SLAMF6: variants seen among roughly 807,000 people sequenced by gnomAD.
SLAMF6 encodes SLAM family member 6.
In SLAMF6, 21 loss-of-function variants were observed where a neutral mutation model predicts 38.3. The ratio of observed to expected loss-of-function variants is 0.55; its 90% CI spans 0.39 to 0.79. SLAMF6 has a LOEUF of 0.79. Ranked by LOEUF, SLAMF6 falls within the 30% of genes least tolerant of loss-of-function variation. The pLI, the probability that SLAMF6 is intolerant of heterozygous loss-of-function variation, is 0.00. For missense variants in SLAMF6, 341 were observed against 385.3 expected (o/e 0.89, Z 0.96); for synonymous variants, 152 against 146.3 (o/e 1.04, Z -0.28).
intron 1 of SLAMF6, among the ~76,000 whole-genome samples, chr1:160,500,279 T>G (rs1183682767): frequency 6.6e-6 from 1 of 152,254 alleles, no homozygotes; most frequent in African/African-American, 2.4e-5. Flanking sequence ...ATCATGTCTA[T>G]GGTCTATAAG....
chr1:160,489,424 A>G (rs535925040), intron 5 of SLAMF6, among the ~76,000 whole-genome samples: 1 of 152,320 alleles, frequency 6.6e-6, no homozygotes, highest in South Asian at 2.1e-4. Flanking sequence ...AGTCTCCCTC[A>G]GGCTTCACAT....
chr1:160,508,140 T>C (rs1024513961), intron 1 of SLAMF6, among the ~76,000 whole-genome samples: 4 of 152,044 alleles, frequency 2.6e-5, no homozygotes, highest in Non-Finnish European at 5.9e-5. Context: ...ACTTTCTTCA[T>C]AGAATTGGAA....
At chr1:160,490,836 G>A (rs1653250085) in intron 3 of SLAMF6, 151 bp from the exon 4 acceptor site, 6 of 1,236,612 alleles carry the variant, frequency 4.9e-6, no homozygotes, top group South Asian at 1.6e-5. Context: ...CTATGTGGCA[G>A]GCAGGGGAGG....
chr1:160,494,549 T>G (rs1226459114), intron 2 of SLAMF6, among the ~76,000 whole-genome samples: 1 of 152,110 alleles, frequency 6.6e-6, no homozygotes, highest in Non-Finnish European at 1.5e-5. Flanking sequence ...AAAAAAAGGG[T>G]CTTTGCAGAT....
chr1:160,487,444 G>C (rs970704677), intron 6 of SLAMF6, among the ~76,000 whole-genome samples: 1 of 152,194 alleles, frequency 6.6e-6, no homozygotes, highest in Non-Finnish European at 1.5e-5. Flanking sequence ...GCTGTATGAA[G>C]GGAAGGAAGT....
rs776925614 is a variant in SLAMF6, at chr1:160,491,218, G to A, written c.553C>T (p.Pro185Ser). Residue 185 changes from proline to serine, a missense_variant, in exon 3 of 8, where the codon CCC becomes TCC. Coordinates refer to ENST00000368057, the MANE Select transcript of SLAMF6 (RefSeq NM_001184714.2). ...SQPNLTVSWD[P>S]RISSEQDYTC... is the part of the protein sequence containing the mutation. Reference sequence around the variant, plus strand: ...TAGTCCTGTTCACTGGAAATCCTGGGGTCCCAGGAGACAGTGAGGTTTGGC... The same window carrying A: ...TAGTCCTGTTCACTGGAAATCCTGGAGTCCCAGGAGACAGTGAGGTTTGGC... 6 of 1,613,852 alleles carry A rather than the reference G, an allele frequency of 3.7e-6. No individual in the cohort carries two copies. The East Asian group carries it at 1.1e-4, about 30-fold the overall frequency.
chr1:160,506,166 G>C (rs1224045289), intron 1 of SLAMF6, among the ~76,000 whole-genome samples: 1 of 152,028 alleles, frequency 6.6e-6, no homozygotes, highest in Non-Finnish European at 1.5e-5. Context: ...ATCCAAGAAA[G>C]TCAATGAACT....
At position 160,486,163 on chromosome 1, in the gene SLAMF6, G is replaced by A. The variant is rs909422284; in HGVS notation, c.*544C>T. The A allele has an allele frequency of 2.6e-5, 4 of 152,258 alleles. No homozygotes were observed. The highest frequency in any genetic ancestry group is 9.7e-5 in the African/African-American group (4 of 41,384). 9.4% of individuals were successfully genotyped at this position (152,258 alleles called of 1,614,324 possible). ...TTTGAATTTTGGATTTTTGGATTTG[G>A]ATACTCAACCGCTAAATATAATGCA... On this transcript the variant is annotated 3_prime_UTR_variant, in exon 8 of 8. Coordinates refer to ENST00000368057, the MANE Select transcript of SLAMF6 (RefSeq NM_001184714.2).
chr1:160,523,027 C>G (rs1410230765), intron 1 of SLAMF6, 117 bp downstream of exon 1: 1 of 1,092,684 alleles, frequency 9.2e-7, no homozygotes, highest in Non-Finnish European at 1.4e-6. Context: ...CGTCCCCTTT[C>G]CCGCCCCAAT....
At chr1:160,521,459 T>A (rs898357023) in intron 1 of SLAMF6, among the ~76,000 whole-genome samples, 1 of 152,128 alleles carries the variant, frequency 6.6e-6, no homozygotes, top group African/African-American at 2.4e-5. Context: ...AATATTTTAT[T>A]CTAGAGGTGG....
chr1:160,506,109 T>C (rs149236715), intron 1 of SLAMF6, among the ~76,000 whole-genome samples: 2 of 151,892 alleles, frequency 1.3e-5, no homozygotes, highest in Non-Finnish European at 2.9e-5. Flanking sequence ...TTTGAAAAAA[T>C]AATGGCCCCA....
At chr1:160,490,821 G>T in intron 3 of SLAMF6, 136 bp from the exon 4 acceptor site, 1 of 1,370,892 alleles carries the variant, frequency 7.3e-7, no homozygotes. Context: ...TCTGGGGTGG[G>T]AGTCCTATGT....
intron 6 of SLAMF6, among the ~76,000 whole-genome samples, chr1:160,487,695 G>A (rs1023239510): frequency 2.0e-5 from 3 of 152,116 alleles, no homozygotes; most frequent in Admixed American, 6.6e-5. Context: ...GCTCTGCCTG[G>A]AATGCACATT....
chr1:160,503,078 G>A (rs1653993749), intron 1 of SLAMF6, among the ~76,000 whole-genome samples: 1 of 152,128 alleles, frequency 6.6e-6, no homozygotes, highest in African/African-American at 2.4e-5. Context: ...GGTTAGTCTT[G>A]GGTAGACGTG....
intron 1 of SLAMF6, among the ~76,000 whole-genome samples, chr1:160,499,879 T>C (rs757342539): frequency 1.3e-5 from 2 of 152,242 alleles, no homozygotes; most frequent in African/African-American, 4.8e-5. Context: ...CCCATCAGCA[T>C]TTTAACACAC....
rs1385121818 is a variant in SLAMF6 at position 160,496,339 on chromosome 1, C to T, written c.104G>A (p.Gly35Glu). The change falls in exon 2 of 8, where the codon GGG becomes GAG. Residue 35 changes from glycine (G) to glutamate (E), a missense_variant. Physicochemically the swap from Gly to Glu is moderately conservative, Grantham distance 98 (BLOSUM62 -2). Transcript: ENST00000368057. ...CTCCAGGGGAAGAGTTACTGACTCCCCCAGAATCCCGTTCACCATCAATGG... is the reference window on the plus strand; with the variant it reads ...CTCCAGGGGAAGAGTTACTGACTCCTCCAGAATCCCGTTCACCATCAATGG... ...LTPLMVNGIL[G>E]ESVTLPLEFP... The T allele has an allele frequency of 1.9e-6, 3 of 1,613,830 alleles. No homozygotes were observed. The highest frequency in any genetic ancestry group is 1.7e-5 in the Admixed American group (1 of 59,974).
In SLAMF6 at chr1:160,496,071, C is replaced by T. The variant is rs774794672; in HGVS notation, c.372G>A (p.Leu124=). 1.9e-6 allele frequency: 3 copies of T among 1,611,286 alleles called. No individual in the cohort carries two copies. The highest frequency in any genetic ancestry group is 2.5e-6 in the Non-Finnish European group (3 of 1,178,080). The part of the protein sequence containing the change: ...KTSAKLSSYT[L]RILRQLRNIQ... The stretch of plus-strand genomic sequence containing the variant: ...CATATTTTGACTTACTTAATATCCT[C>T]AGAGTGTAACTGGACAGCTTTGCAG... Residue 124 remains leucine, a synonymous_variant, in exon 2 of 8, where the codon CTG becomes CTA. Coordinates refer to ENST00000368057, the MANE Select transcript of SLAMF6 (RefSeq NM_001184714.2).
At chr1:160,520,730 A>G (rs1654947669) in intron 1 of SLAMF6, among the ~76,000 whole-genome samples, 1 of 152,192 alleles carries the variant, frequency 6.6e-6, no homozygotes, top group South Asian at 2.1e-4. Context: ...ATTTTCTAAA[A>G]GGAGTCAGGA....
chr1:160,493,247 C>G lies in SLAMF6; in HGVS notation c.383-1859G>C, dbSNP rs150977375. ...CTTGAGTAGTCTAGGCACAGGGGAT[C>G]TTGCTATCTATGCGGATGGCGTGTC... is the stretch of plus-strand genomic sequence containing the variant. On this transcript the variant is annotated intron_variant, in intron 2 of 7. Coordinates refer to ENST00000368057, the MANE Select transcript of SLAMF6 (RefSeq NM_001184714.2). Among the ~76,000 whole-genome samples the G allele has an allele frequency of 2.9e-3, 440 of 152,270 alleles. 5 individuals carry two copies. Among genetic ancestry groups the G allele is most frequent in the African/African-American group, 0.01 (420 of 41,560 alleles).
Sources: gnomAD v4.1 joint callset for allele counts (sites outside exome capture counted in the v4.1 genomes callset) on GRCh38, gnomAD v4.1.1 for gene constraint, MANE v1.5 for transcripts, NCBI Gene and HGNC (gene_info 2026-07-23, HGNC 2026-07-21) for gene names.